Variants in MERTK observed in about 807,000 individuals in gnomAD.
MERTK encodes tyrosine-protein kinase Mer.
Under a neutral mutation model 99.3 loss-of-function variants are expected in MERTK, and 69 were observed. That is an observed-to-expected ratio of 0.70 (90% CI 0.57 to 0.85). The LOEUF (loss-of-function observed/expected upper bound fraction) is 0.85, where lower values mean the gene tolerates loss of function less well. Among genes scored for constraint, MERTK ranks in the 40% least tolerant of loss-of-function variants. MERTK has a pLI of 0.00. For synonymous variants in MERTK, 426 were observed against 467.6 expected, an observed-to-expected ratio of 0.91 and a Z score of 1.15; for missense variants, 1,125 against 1,249.4, an observed-to-expected ratio of 0.90 and a Z score of 1.50.
chr2:111,961,821 C>T (rs1447383466), intron 4 of MERTK, among the ~76,000 whole-genome samples: 1 of 152,190 alleles, frequency 6.6e-6, no homozygotes, highest in East Asian at 1.9e-4. Context: ...TTTTCTACAG[C>T]GTCTCTCAGT....
At chr2:111,933,312 G>C (rs1295924825) in intron 2 of MERTK, among the ~76,000 whole-genome samples, 8 of 152,148 alleles carry the variant, frequency 5.3e-5, no homozygotes, top group Non-Finnish European at 1.5e-5. Context: ...GTGGCTCCCA[G>C]GAACAGTGAA....
rs772449126 is a variant in MERTK, at chr2:111,983,007, C to G, written c.1296+14C>G. ...GCAGGGATTTCCGTAAGTCTAAACC[C>G]TAGAAGAGCACGATTAGTCATCTCC... is the stretch of plus-strand genomic sequence containing the variant. On this transcript the variant is annotated intron_variant, in intron 8 of 18. Transcript: ENST00000295408. 9 of 1,605,050 alleles carry G rather than the reference C, an allele frequency of 5.6e-6. No homozygotes were observed. The highest frequency in any genetic ancestry group is 1.4e-5 in the African/African-American group (1 of 73,312).
intron 2 of MERTK, among the ~76,000 whole-genome samples, chr2:111,936,549 T>C (rs1684767801): frequency 6.6e-6 from 1 of 152,214 alleles, no homozygotes; most frequent in African/African-American, 2.4e-5. Flanking sequence ...ATAATCTCCC[T>C]CTTTTTTTCC....
intron 1 of MERTK, among the ~76,000 whole-genome samples, chr2:111,909,221 C>T (rs1024461494): frequency 2.0e-5 from 3 of 152,042 alleles, no homozygotes; most frequent in Non-Finnish European, 2.9e-5. Flanking sequence ...GTCTCGGTAA[C>T]GCAGGCCTCT....
chr2:112,007,178 G>A (rs564630695), intron 13 of MERTK, among the ~76,000 whole-genome samples: 18 of 152,028 alleles, frequency 1.2e-4, no homozygotes, highest in South Asian at 2.1e-4. Flanking sequence ...TCTTTGAGAC[G>A]GAGTCTCGCT....
chr2:112,003,252 T>TG lies in MERTK; in HGVS notation c.1786+65_1786+66insG. 6.5e-6 allele frequency: 5 copies of TG among 772,372 alleles called. No homozygotes were observed. In the East Asian group the frequency reaches 1.3e-4, roughly 20 times the overall value. The allele number at this position is 772,372 out of a possible 1,614,324, so 47.8% of individuals were successfully genotyped here. On this transcript the variant is annotated intron_variant, in intron 12 of 18. Coordinates refer to ENST00000295408, the MANE Select transcript of MERTK (RefSeq NM_006343.3). ...GAAGGTAGCAGTTTAGAATAATTCT[T>TG]TAACATATATTTATTAAATAAAATA...
At chr2:111,952,044 T>G (rs2104708970) in intron 4 of MERTK, 1 of 152,326 alleles carries the variant, frequency 6.6e-6, no homozygotes, top group East Asian at 1.9e-4. Flanking sequence ...GTAGTTTGTC[T>G]TAGCTTGGAG....
At chr2:112,017,632 CA>C (rs35461094) in intron 15 of MERTK, among the ~76,000 whole-genome samples, 81,023 of 145,992 alleles carry the variant, frequency 0.55, 22,552 homozygotes, top group Middle Eastern at 0.68. Context: ...GACTTCGTCT[CA>C]AAAAAAAAAA....
intron 16 of MERTK, among the ~76,000 whole-genome samples, chr2:112,020,334 A>C (rs149192871): frequency 1.3e-5 from 2 of 152,128 alleles, no homozygotes; most frequent in East Asian, 3.9e-4. Flanking sequence ...TGTTTCCTTC[A>C]TGTTTTCCCA....
At chr2:111,984,290 C>G (rs889408113) in intron 8 of MERTK, among the ~76,000 whole-genome samples, 6 of 152,150 alleles carry the variant, frequency 3.9e-5, no homozygotes, top group Non-Finnish European at 5.9e-5. Flanking sequence ...TTATGAGTCC[C>G]CTGTTTCAAA....
chr2:112,015,091 G>A (rs967254198), intron 15 of MERTK, among the ~76,000 whole-genome samples: 3 of 152,078 alleles, frequency 2.0e-5, no homozygotes, highest in Non-Finnish European at 4.4e-5. Flanking sequence ...ACCTGTTTAG[G>A]GACATATGGG....
intron 3 of MERTK, among the ~76,000 whole-genome samples, chr2:111,947,093 T>G (rs1331877311): frequency 3.9e-5 from 6 of 152,100 alleles, no homozygotes; most frequent in Non-Finnish European, 7.4e-5. Context: ...GCCAACATGG[T>G]GAAACCCCAT....
intron 13 of MERTK, among the ~76,000 whole-genome samples, chr2:112,004,650 G>A (rs1370965133): frequency 2.0e-5 from 3 of 152,184 alleles, no homozygotes; most frequent in Non-Finnish European, 4.4e-5. Flanking sequence ...GGTGGCTCAC[G>A]CCTGGAATCC....
chr2:112,001,362 C>G (rs1676866102), intron 11 of MERTK, 76 bp downstream of exon 11: 3 of 1,167,550 alleles, frequency 2.6e-6, no homozygotes, highest in Non-Finnish European at 3.9e-6. Flanking sequence ...AGACAGATTT[C>G]TAACAAAAGC....
At chr2:111,900,136 T>G (rs967492848) in intron 1 of MERTK, among the ~76,000 whole-genome samples, 5 of 152,160 alleles carry the variant, frequency 3.3e-5, no homozygotes, top group African/African-American at 1.2e-4. Context: ...TCAAAGATGT[T>G]TTTTAGGAAT....
chr2:111,935,779 T>G (rs1684754883), intron 2 of MERTK, among the ~76,000 whole-genome samples: 1 of 151,998 alleles, frequency 6.6e-6, no homozygotes, highest in Admixed American at 6.6e-5. Flanking sequence ...TAATTGCAAC[T>G]CTGAGAAAAA....
intron 13 of MERTK, among the ~76,000 whole-genome samples, chr2:112,005,789 TC>T (rs1676967978): frequency 6.6e-6 from 1 of 152,222 alleles, no homozygotes. Context: ...ATTGGATTCT[TC>T]CTAAAATTTA....
chr2:112,010,794 C>T (rs895040897), intron 15 of MERTK, among the ~76,000 whole-genome samples: 4 of 152,180 alleles, frequency 2.6e-5, no homozygotes, highest in African/African-American at 9.7e-5. Flanking sequence ...AAACGGTAGA[C>T]TGCGAGCAGG....
intron 6 of MERTK, 68 bp from the exon 7 acceptor site, chr2:111,975,221 A>G (rs1347088692): frequency 2.0e-6 from 3 of 1,497,710 alleles, no homozygotes; most frequent in Admixed American, 1.7e-5. Context: ...CCGAATGCAC[A>G]CAGGCCCCGT....
Sources: allele counts gnomAD v4.1 joint callset (sites outside exome capture counted in the v4.1 genomes callset), GRCh38; gene constraint gnomAD v4.1.1; transcripts MANE v1.5; gene names NCBI Gene and HGNC (gene_info 2026-07-23, HGNC 2026-07-21).